Variants in OPRL1 observed in about 807,000 individuals in gnomAD.
OPRL1 encodes opioid related nociceptin receptor 1, also known as nociceptin receptor.
A neutral mutation model predicts 15.5 loss-of-function variants in OPRL1; 5 were observed. The observed-to-expected ratio is 0.32, with a 90% CI of 0.17 to 0.68. OPRL1 has a LOEUF of 0.68. Among genes scored for constraint, OPRL1 ranks in the 30% least tolerant of loss-of-function variants. The pLI is 0.72. For missense variants in OPRL1, 406 were observed against 515.3 expected (o/e 0.79, Z 2.05); for synonymous variants, 223 against 230.2 (o/e 0.97, Z 0.28).
rs1197946590 is a variant in OPRL1 at position 64,098,114 on chromosome 20, T to C, written c.546T>C (p.Gly182=). 1.2e-6 allele frequency: 2 copies of C among 1,613,218 alleles called. No individual in the cohort carries two copies. The highest frequency in any genetic ancestry group is 4.5e-5 in the East Asian group (2 of 44,874). Residue 182 remains glycine (G), a synonymous_variant, in exon 4 of 5, where the codon GGT becomes GGC. Transcript: ENST00000336866. ...VAIWALASVV[G]VPVAIMGSAQ... The stretch of plus-strand genomic sequence containing the variant: ...TCTGGGCCCTGGCCTCTGTTGTCGG[T>C]GTTCCCGTTGCCATCATGGGCTCGG...
rs746614634 is a variant in OPRL1 at position 64,098,098 on chromosome 20, T to C, written c.530T>C (p.Leu177Pro). ...GCTGTCAATGTGGCCATCTGGGCCC[T>C]GGCCTCTGTTGTCGGTGTTCCCGTT... ...AQAVNVAIWA[L>P]ASVVGVPVAI... The change falls in exon 4 of 5, where the codon CTG becomes CCG. Residue 177 changes from leucine to proline, a missense_variant. Coordinates refer to ENST00000336866, the MANE Select transcript of OPRL1 (RefSeq NM_182647.4). 1 of 1,613,314 alleles carries C rather than the reference T, an allele frequency of 6.2e-7. No homozygotes were observed. The highest frequency in any genetic ancestry group is 8.5e-7 in the Non-Finnish European group (1 of 1,180,012).
At chr20:64,088,837 G>C (rs75730108) in intron 1 of OPRL1, among the ~76,000 whole-genome samples, 377 of 8,126 alleles carry the variant, frequency 0.046, 5 homozygotes, top group South Asian at 0.06. Flanking sequence ...TGCAGGGAGG[G>C]CAGGATCTGT....
Position 64,098,740 on chromosome 20 carries a change from A to G in OPRL1, c.1054A>G (p.Ile352Val), listed in dbSNP as rs996214921. 6 of 1,610,578 alleles carry G rather than the reference A, an allele frequency of 3.7e-6. No homozygotes were observed. Among genetic ancestry groups the G allele is most frequent in the Non-Finnish European group, 3.4e-6 (4 of 1,179,938 alleles). The change falls in exon 5 of 5, where the codon ATT becomes GTT. Residue 352 changes from isoleucine to valine, a missense_variant. By Grantham distance (29) the Ile-to-Val change is conservative (BLOSUM62 3). Coordinates refer to ENST00000336866, the MANE Select transcript of OPRL1 (RefSeq NM_182647.4). ...GCAGGTGTCTGACCGCGTGCGCAGC[A>G]TTGCCAAGGACGTGGCCCTGGCCTG... ...DVQVSDRVRSIAKDVALACKT... is the reference protein window; with the variant it reads ...DVQVSDRVRSVAKDVALACKT...
At position 64,099,209 on chromosome 20, in the gene OPRL1, GAGC is replaced by G. The variant is rs1382692110; in HGVS notation, c.*417_*419del. 4 of 240,522 alleles carry G rather than the reference GAGC, an allele frequency of 1.7e-5. No homozygotes were observed. The East Asian group carries it at 3.8e-4, about 23-fold the overall frequency. The allele number at this position is 240,522 out of a possible 1,614,324, so 14.9% of individuals were successfully genotyped here. The stretch of plus-strand genomic sequence containing the variant: ...CTGGGTGGGCAGGCACCCGGAGGAG[GAGC>G]AGCAGCTGTGTCATCCTGTGCCCCC... On this transcript the variant is annotated 3_prime_UTR_variant, in exon 5 of 5. Coordinates refer to ENST00000336866, the MANE Select transcript of OPRL1 (RefSeq NM_182647.4).
rs6010721 is a variant in OPRL1, at chr20:64,099,325, T to G, written c.*526T>G. 0.92 allele frequency: 142,677 copies of G among 155,324 alleles called. 65,628 individuals carry two copies. The highest frequency in any genetic ancestry group is 1 in the East Asian group (5,216 of 5,222). The allele number at this position is 155,324 out of a possible 1,614,324, so 9.6% of individuals were successfully genotyped here. On this transcript the variant is annotated 3_prime_UTR_variant, in exon 5 of 5. Transcript: ENST00000336866. ...CAGGGCAGCTGGACAGGCTTGGCACTGCCCGGGAAGTGCAGCAGGCAGCTT... is the reference window on the plus strand; with the variant it reads ...CAGGGCAGCTGGACAGGCTTGGCACGGCCCGGGAAGTGCAGCAGGCAGCTT...
intron 1 of OPRL1, among the ~76,000 whole-genome samples, chr20:64,088,341 T>C (rs1310572644): frequency 6.7e-6 from 1 of 150,298 alleles, no homozygotes; most frequent in Non-Finnish European, 1.5e-5. Flanking sequence ...GGAGGACTTT[T>C]AGGGGGTAAC....
intron 3 of OPRL1, among the ~76,000 whole-genome samples, chr20:64,096,286 C>T (rs533926884): frequency 1.6e-4 from 25 of 152,262 alleles, no homozygotes; most frequent in Non-Finnish European, 3.1e-4. Flanking sequence ...CGTGGCCACA[C>T]TGGCCCGAGA....
chr20:64,088,597 G>GGAA (rs2060078582), intron 1 of OPRL1, among the ~76,000 whole-genome samples: 1 of 46,412 alleles, frequency 2.2e-5, no homozygotes, highest in Non-Finnish European at 4.9e-5. Context: ...TCTGTGCAAG[G>GGAA]GGTAGGATCT....
chr20:64,083,033 C>G lies in OPRL1; in HGVS notation c.-185+2681C>G, dbSNP rs2059985337. Reference sequence around the variant, plus strand: ...CACAGCACTGCCCTCTCCCTGGCCCCCTGGTGGGATGACTCGCACTCGAGA... The same window carrying G: ...CACAGCACTGCCCTCTCCCTGGCCCGCTGGTGGGATGACTCGCACTCGAGA... On this transcript the variant is annotated intron_variant, in intron 1 of 4. Coordinates refer to ENST00000336866, the MANE Select transcript of OPRL1 (RefSeq NM_182647.4). The surrounding 1 kb of genome is among the most constrained non-coding windows in gnomAD (Gnocchi z 4.9). Among the ~76,000 whole-genome samples the G allele has an allele frequency of 6.6e-6, 1 of 152,172 alleles. No homozygotes were observed. The highest frequency in any genetic ancestry group is 6.5e-5 in the Admixed American group (1 of 15,288).
chr20:64,084,124 C>CT (rs2060012082), intron 1 of OPRL1: 1 of 1,470,936 alleles, frequency 6.8e-7, no homozygotes, highest in South Asian at 1.3e-5. Context: ...CGGGCGCCCC[C>CT]TTGGCACGCT....
Position 64,083,837 on chromosome 20 carries a change from A to G in OPRL1, c.-185+3485A>G, listed in dbSNP as rs1278360912. 5 of 1,391,076 alleles carry G rather than the reference A, an allele frequency of 3.6e-6. No individual in the cohort carries two copies. In the East Asian group the frequency reaches 1.5e-4, roughly 43 times the overall value. The allele number at this position is 1,391,076 out of a possible 1,614,324, so 86.2% of individuals were successfully genotyped here. On this transcript the variant is annotated intron_variant, in intron 1 of 4. Transcript: ENST00000336866. This position sits in a 1 kb window ranked among gnomAD's most constrained non-coding sequence, Gnocchi z 4.9. ...CCTCACCCGCATGCGGGTGTAGCGC[A>G]GCCGCAGGGCGCGGACTCGCCCGCG...
chr20:64,092,590 G>C, intron 2 of OPRL1, 98 bp from the exon 3 acceptor site: 1 of 851,266 alleles, frequency 1.2e-6, no homozygotes, highest in South Asian at 1.7e-5. Flanking sequence ...CCCAGCGTGG[G>C]GGTCCATGTG....
At chr20:64,082,654 G>A (rs752841337) in intron 1 of OPRL1, among the ~76,000 whole-genome samples, 25 of 152,218 alleles carry the variant, frequency 1.6e-4, no homozygotes, top group Non-Finnish European at 2.9e-4. Flanking sequence ...AAGCCCCAGC[G>A]TCTGCAAAGA....
chr20:64,088,633 GAGTGGCCA>G lies in OPRL1; in HGVS notation c.-184-3332_-184-3325del, dbSNP rs1177274543. On this transcript the variant is annotated intron_variant, in intron 1 of 4. Transcript: ENST00000336866. ...GTGCAGAGTGGCCAGGATCTGTGCAGAGTGGCCAGGATCTGTGCAGGGAGGCCAGGATC... is the reference window on the plus strand; with the variant it reads ...GTGCAGAGTGGCCAGGATCTGTGCAGGGATCTGTGCAGGGAGGCCAGGATC... Among the ~76,000 whole-genome samples the G allele has an allele frequency of 4.9e-4, 74 of 151,380 alleles. 1 individual carries two copies. Among genetic ancestry groups the G allele is most frequent in the East Asian group, 3.5e-3 (18 of 5,116 alleles).
chr20:64,091,715 A>G (rs1354247120), intron 1 of OPRL1, among the ~76,000 whole-genome samples: 2 of 151,534 alleles, frequency 1.3e-5, no homozygotes, highest in South Asian at 2.1e-4. Flanking sequence ...TGTGTCTCCA[A>G]TCCTGTGTCT....
chr20:64,086,504 G>A (rs41298354), intron 1 of OPRL1: 23 of 196,794 alleles, frequency 1.2e-4, no homozygotes, highest in Non-Finnish European at 2.3e-4. Flanking sequence ...TCTGTCCCCA[G>A]GATTCACGTG....
chr20:64,096,790 C>T (rs113217447), intron 3 of OPRL1, among the ~76,000 whole-genome samples: 1 of 148,634 alleles, frequency 6.7e-6, no homozygotes, highest in Non-Finnish European at 1.5e-5. Context: ...ATTCACCATC[C>T]TCACCATCCT....
In OPRL1 at chr20:64,097,891, G is replaced by A. The variant is rs760237912; in HGVS notation, c.323G>A (p.Gly108Asp). 6.2e-7 allele frequency: 1 copy of A among 1,613,504 alleles called. No individual in the cohort carries two copies. The highest frequency in any genetic ancestry group is 1.3e-5 in the African/African-American group (1 of 74,930). The change falls in exon 4 of 5, where the codon GGC (glycine) becomes GAC (aspartate). Residue 108 changes from glycine to aspartate, a missense_variant. Coordinates refer to ENST00000336866, the MANE Select transcript of OPRL1 (RefSeq NM_182647.4). This position sits in a 1 kb window ranked among gnomAD's most constrained non-coding sequence, Gnocchi z 4.2. Reference protein sequence around the residue: ...TLVLLTLPFQGTDILLGFWPF... With the variant: ...TLVLLTLPFQDTDILLGFWPF... ...GTCCTGCTGACGCTGCCCTTCCAGG[G>A]CACGGACATCCTCCTGGGCTTCTGG...
At chr20:64,088,885 T>C (rs576735636) in intron 1 of OPRL1, among the ~76,000 whole-genome samples, 110 of 148,306 alleles carry the variant, frequency 7.4e-4, no homozygotes, top group African/African-American at 9.0e-4. Context: ...GGCCAGGGTC[T>C]GTGCAGAGTG....
Sources: gnomAD v4.1 joint callset for allele counts (sites outside exome capture counted in the v4.1 genomes callset) on GRCh38, gnomAD v4.1.1 for gene constraint, Gnocchi (gnomAD v3.1) non-coding constraint, MANE v1.5 for transcripts, NCBI Gene and HGNC (gene_info 2026-07-23, HGNC 2026-07-21) for gene names.